CACNA1H: variants seen among roughly 807,000 people sequenced by gnomAD.
The protein encoded by CACNA1H is calcium voltage-gated channel subunit alpha1 H.
Under a neutral mutation model 192.5 loss-of-function variants are expected in CACNA1H, and 149 were observed. The ratio of observed to expected loss-of-function variants is 0.77; its 90% CI spans 0.68 to 0.89. The LOEUF is 0.89. CACNA1H is among the 40% of genes least tolerant of loss of function. The pLI, the probability that CACNA1H is intolerant of heterozygous loss-of-function variation, is 0.00. For missense variants in CACNA1H, 4,257 were observed against 3,423.5 expected (o/e 1.24, Z -6.08); for synonymous variants, 2,202 against 1,475.2 (o/e 1.49, Z -11.29).
At chr16:1,204,656 C>T (rs1023757464) in intron 10 of CACNA1H, among the ~76,000 whole-genome samples, 198 bp downstream of exon 10, 7 of 152,184 alleles carry the variant, frequency 4.6e-5, no homozygotes, top group South Asian at 2.1e-4. Context: ...GGATTCCTGG[C>T]CTCCTCTCTA....
At position 1,208,241 on chromosome 16, in the gene CACNA1H, CCAG is replaced by C. The variant is rs1567532363; in HGVS notation, c.3363+22_3363+24del. On this transcript the variant is annotated intron_variant, in intron 16 of 34. Transcript: ENST00000348261. ...CCTCCGGTAGGGACCATCTCCTGCC[CCAG>C]CTCTCAGGCCCCTTCAGGTTTTCCC... 1 of 1,528,280 alleles carries C rather than the reference CCAG, an allele frequency of 6.5e-7. No individual in the cohort carries two copies. The highest frequency in any genetic ancestry group is 1.2e-5 in the South Asian group (1 of 83,778). 94.7% of individuals were successfully genotyped at this position (1,528,280 alleles called of 1,614,324 possible).
In CACNA1H at chr16:1,208,211, A is replaced by T. The variant is rs1283496697; in HGVS notation, c.3353A>T (p.Gln1118Leu). Residue 1118 changes from glutamine to leucine, a missense_variant, in exon 16 of 35, where the codon CAG becomes CTG. By Grantham distance (113) the Gln-to-Leu change is moderately radical (BLOSUM62 -2). Transcript: ENST00000348261. ...SSSGDPPLGD[Q>L]KPPASLRSSP... ...TCCGGGGACCCGCCACTGGGAGACC[A>T]GAAGCCTCCGGTAGGGACCATCTCC... 20 of 1,562,290 alleles carry T rather than the reference A, an allele frequency of 1.3e-5. No homozygotes were observed. The highest frequency in any genetic ancestry group is 1.7e-5 in the Non-Finnish European group (20 of 1,156,330).
chr16:1,186,259 T>A (rs1318904110), intron 2 of CACNA1H, among the ~76,000 whole-genome samples: 1 of 151,900 alleles, frequency 6.6e-6, no homozygotes, highest in African/African-American at 2.4e-5. Context: ...AGTGGTGTTT[T>A]GAATAAGAAT....
chr16:1,186,840 G>C (rs1966115714), intron 2 of CACNA1H, among the ~76,000 whole-genome samples: 1 of 152,204 alleles, frequency 6.6e-6, no homozygotes, highest in East Asian at 1.9e-4. Flanking sequence ...CCACCACCAT[G>C]ACCGGCAGAC....
chr16:1,155,135 A>T (rs1962149875), intron 2 of CACNA1H, among the ~76,000 whole-genome samples: 1 of 152,256 alleles, frequency 6.6e-6, no homozygotes, highest in Non-Finnish European at 1.5e-5. Context: ...TGTACAAAAA[A>T]AGTCATAAAG....
intron 5 of CACNA1H, 44 bp downstream of exon 5, chr16:1,196,067 G>GT (rs765457788): frequency 1.4e-6 from 2 of 1,478,328 alleles, no homozygotes; most frequent in East Asian, 4.5e-5. Context: ...ACAGGCTTGC[G>GT]TGTCCGCCAG....
intron 2 of CACNA1H, among the ~76,000 whole-genome samples, chr16:1,165,059 C>T (rs1001578357): frequency 4.6e-5 from 7 of 152,028 alleles, no homozygotes; most frequent in East Asian, 1.9e-4. Context: ...GGAACAGTGG[C>T]GCTCACCTGA....
At position 1,220,612 on chromosome 16, in the gene CACNA1H, C is replaced by G; in HGVS notation, c.6680C>G (p.Pro2227Arg). 1 of 1,576,478 alleles carries G rather than the reference C, an allele frequency of 6.3e-7. No homozygotes were observed. Among genetic ancestry groups the G allele is most frequent in the Non-Finnish European group, 8.6e-7 (1 of 1,165,344 alleles). Residue 2227 changes from proline to arginine, a missense_variant, in exon 35 of 35, where the codon CCT becomes CGT. Pro to Arg is a moderately radical substitution (Grantham distance 103, BLOSUM62 -2). Transcript: ENST00000348261. ...AGGACCCCGTCCTGTGAGGCCACGC[C>G]TCACAGGGACTCCCTGGAGCCCACA... ...RRRTPSCEAT[P>R]HRDSLEPTEG...
In CACNA1H at chr16:1,190,832, G is replaced by A. The variant is rs191780481; in HGVS notation, c.300-4140G>A. 2.6e-3 allele frequency among the ~76,000 whole-genome samples: 398 copies of A among 150,818 alleles called. 1 individual carries two copies. The highest frequency in any genetic ancestry group is 0.017 in the Middle Eastern group (5 of 294). On this transcript the variant is annotated intron_variant, in intron 2 of 34. Coordinates refer to ENST00000348261, the MANE Select transcript of CACNA1H (RefSeq NM_021098.3). ...CCTGCAGACCCAAGAGCTGGGACCC[G>A]TCAGGCTGGCCTGGCTGTGTGGCCT...
chr16:1,156,692 C>T lies in CACNA1H; in HGVS notation c.299+2656C>T, dbSNP rs529318578. On this transcript the variant is annotated intron_variant, in intron 2 of 34. Coordinates refer to ENST00000348261, the MANE Select transcript of CACNA1H (RefSeq NM_021098.3). ...GGATAATCGGATTTGCTCAGGGAACCCACACTCAGTAAAGTGACTCCATGC... is the reference window on the plus strand; with the variant it reads ...GGATAATCGGATTTGCTCAGGGAACTCACACTCAGTAAAGTGACTCCATGC... 4.6e-5 allele frequency among the ~76,000 whole-genome samples: 7 copies of T among 152,248 alleles called. No individual in the cohort carries two copies. The East Asian group carries it at 1.4e-3, about 29-fold the overall frequency.
Position 1,208,160 on chromosome 16 carries a change from C to A in CACNA1H, c.3302C>A (p.Pro1101Gln). ...SPFLDAAPSL[P>Q]DSRRGSSSSG... ...TTCCTGGATGCAGCCCCCAGCCTCCCAGACTCTCGGCGTGGCAGCAGCAGC... is the reference window on the plus strand; with the variant it reads ...TTCCTGGATGCAGCCCCCAGCCTCCAAGACTCTCGGCGTGGCAGCAGCAGC... The change falls in exon 16 of 35, where the codon CCA becomes CAA. Residue 1101 changes from proline to glutamine, a missense_variant. Transcript: ENST00000348261. The A allele has an allele frequency of 6.3e-7, 1 of 1,574,998 alleles. No homozygotes were observed. Among genetic ancestry groups the A allele is most frequent in the Admixed American group, 1.8e-5 (1 of 55,138 alleles).
intron 2 of CACNA1H, among the ~76,000 whole-genome samples, chr16:1,183,650 G>T (rs1965696133): frequency 6.6e-6 from 1 of 152,256 alleles, no homozygotes; most frequent in South Asian, 2.1e-4. Flanking sequence ...CGCACTCAGG[G>T]CAGGCTCTGG....
At chr16:1,211,675 C>A (rs1202843578) in intron 23 of CACNA1H, 41 bp from the exon 24 acceptor site, 2 of 1,611,244 alleles carry the variant, frequency 1.2e-6, no homozygotes, top group African/African-American at 2.7e-5. Flanking sequence ...CCGGCGACCC[C>A]AGCTCTAACC....
chr16:1,216,876 G>T, intron 30 of CACNA1H, 56 bp from the exon 31 acceptor site: 1 of 1,409,440 alleles, frequency 7.1e-7, no homozygotes, highest in Non-Finnish European at 9.9e-7. Context: ...CCTGCAGGGT[G>T]GGCTGAGGCC....
At chr16:1,181,584 G>A (rs1965470929) in intron 2 of CACNA1H, among the ~76,000 whole-genome samples, 1 of 152,248 alleles carries the variant, frequency 6.6e-6, no homozygotes, top group Non-Finnish European at 1.5e-5. Context: ...ACTCAATTAT[G>A]CCTTGAAAAG....
In CACNA1H at chr16:1,221,755, A is replaced by T; in HGVS notation, c.*761A>T. 1 of 1,563,426 alleles carries T rather than the reference A, an allele frequency of 6.4e-7. No individual in the cohort carries two copies. The highest frequency in any genetic ancestry group is 8.7e-7 in the Non-Finnish European group (1 of 1,151,720). On this transcript the variant is annotated 3_prime_UTR_variant, in exon 35 of 35. Coordinates refer to ENST00000348261, the MANE Select transcript of CACNA1H (RefSeq NM_021098.3). Reference sequence around the variant, plus strand: ...AGGGGGCGGAGCGGAATAAATAGTAACTTATTTAAGAAATGCACTTGGATT... The same window carrying T: ...AGGGGGCGGAGCGGAATAAATAGTATCTTATTTAAGAAATGCACTTGGATT...
At chr16:1,217,889 G>T in intron 31 of CACNA1H, 30 bp from the exon 32 acceptor site, 1 of 1,574,520 alleles carries the variant, frequency 6.4e-7, no homozygotes, top group South Asian at 1.2e-5. Flanking sequence ...AGCGGGCTCG[G>T]CTGACCGGGC....
intron 2 of CACNA1H, among the ~76,000 whole-genome samples, chr16:1,188,893 G>T (rs940758720): frequency 1.7e-4 from 26 of 152,208 alleles, no homozygotes; most frequent in African/African-American, 5.5e-4. Flanking sequence ...ATGGACAGCA[G>T]CCGCTGCAGC....
intron 2 of CACNA1H, chr16:1,156,864 A>C (rs1196377550): frequency 1.3e-5 from 2 of 152,226 alleles, no homozygotes; most frequent in African/African-American, 4.8e-5. Context: ...CAGGGAGCAC[A>C]TGCGTGCTGG....
Sources: allele counts gnomAD v4.1 joint callset (sites outside exome capture counted in the v4.1 genomes callset), GRCh38; gene constraint gnomAD v4.1.1; transcripts MANE v1.5; gene names NCBI Gene and HGNC (gene_info 2026-07-23, HGNC 2026-07-21).